Variants in CLASP1 observed in about 807,000 individuals in gnomAD.
CLASP1 encodes cytoplasmic linker associated protein 1.
A neutral mutation model predicts 192.3 loss-of-function variants in CLASP1; 38 were observed. The observed-to-expected ratio is 0.20, with a 90% CI of 0.15 to 0.26. The LOEUF is 0.26. CLASP1 is among the 10% of genes least tolerant of loss of function. The pLI is 1.00. For synonymous variants in CLASP1, 691 were observed against 712.8 expected, an observed-to-expected ratio of 0.97 and a Z score of 0.49; for missense variants, 1,433 against 1,932.5, an observed-to-expected ratio of 0.74 and a Z score of 4.85.
intron 8 of CLASP1, among the ~76,000 whole-genome samples, chr2:121,496,186 A>G (rs1272969161): frequency 1.3e-5 from 2 of 152,228 alleles, no homozygotes; most frequent in African/African-American, 4.8e-5. Flanking sequence ...TATTAAACAG[A>G]TATTTGTTGC....
chr2:121,368,745 A>C (rs1256040473), intron 34 of CLASP1, among the ~76,000 whole-genome samples: 3 of 152,118 alleles, frequency 2.0e-5, no homozygotes, highest in African/African-American at 7.2e-5. Flanking sequence ...CTATGGCAAA[A>C]TTTTTACTTG....
chr2:121,392,341 A>G (rs10170935), intron 30 of CLASP1, among the ~76,000 whole-genome samples: 30,543 of 152,226 alleles, frequency 0.2, 5,739 homozygotes, highest in African/African-American at 0.49. Context: ...AGTTTATTCC[A>G]TAAATAACAG....
At chr2:121,471,844 T>C (rs939800328) in intron 8 of CLASP1, among the ~76,000 whole-genome samples, 15 of 152,234 alleles carry the variant, frequency 9.9e-5, no homozygotes, top group Admixed American at 8.5e-4. Context: ...GTGCTCTTAA[T>C]TAGCATAGAC....
chr2:121,406,270 T>G (rs560963751), intron 25 of CLASP1, among the ~76,000 whole-genome samples: 1 of 152,190 alleles, frequency 6.6e-6, no homozygotes, highest in Non-Finnish European at 1.5e-5. Context: ...AGAAAATTTA[T>G]AAAACAGAAA....
chr2:121,377,019 A>C (rs2070403511), intron 34 of CLASP1, among the ~76,000 whole-genome samples: 1 of 152,224 alleles, frequency 6.6e-6, no homozygotes, highest in Non-Finnish European at 1.5e-5. Flanking sequence ...ATAGAGATAA[A>C]GTACACAATA....
In CLASP1 at chr2:121,519,430, C is replaced by A. The variant is rs1323145850; in HGVS notation, c.547-3668G>T. Among the ~76,000 whole-genome samples the A allele has an allele frequency of 2.0e-5, 3 of 152,170 alleles. No homozygotes were observed. The East Asian group carries it at 5.8e-4, about 29-fold the overall frequency. The stretch of plus-strand genomic sequence containing the variant: ...GGGATAAGGTGCTCAGGCAGATGGG[C>A]CACCACCACCCAGCCACAGAGGAAT... On this transcript the variant is annotated intron_variant, in intron 6 of 39. Coordinates refer to ENST00000263710, the Ensembl canonical transcript of CLASP1.
At chr2:121,373,892 A>G (rs2069329549) in intron 34 of CLASP1, among the ~76,000 whole-genome samples, 1 of 152,262 alleles carries the variant, frequency 6.6e-6, no homozygotes, top group Non-Finnish European at 1.5e-5. Context: ...AAGGAAGCAG[A>G]GTGTAAAAGT....
intron 19 of CLASP1, among the ~76,000 whole-genome samples, chr2:121,433,117 C>A (rs2081724955): frequency 6.6e-6 from 1 of 151,568 alleles, no homozygotes; most frequent in African/African-American, 2.4e-5. Context: ...AGGTCAGGAG[C>A]TCGAGACTAG....
At chr2:121,437,252 T>C (rs929437765) in intron 19 of CLASP1, among the ~76,000 whole-genome samples, 4 of 152,214 alleles carry the variant, frequency 2.6e-5, no homozygotes, top group African/African-American at 9.7e-5. Context: ...TGTGAGCCAC[T>C]GTGCCTGACC....
chr2:121,424,512 A>C (rs745943483), intron 22 of CLASP1, among the ~76,000 whole-genome samples: 1 of 152,224 alleles, frequency 6.6e-6, no homozygotes, highest in Non-Finnish European at 1.5e-5. Flanking sequence ...TTAAAAAGTT[A>C]GCGTATGAAT....
chr2:121,508,852 A>G (rs939968441), intron 7 of CLASP1, among the ~76,000 whole-genome samples: 3 of 152,228 alleles, frequency 2.0e-5, no homozygotes, highest in African/African-American at 4.8e-5. Flanking sequence ...TAGTGATAAC[A>G]AGTAACACAG....
chr2:121,621,078 A>C (rs1323968435), intron 1 of CLASP1, among the ~76,000 whole-genome samples: 2 of 152,016 alleles, frequency 1.3e-5, no homozygotes, highest in East Asian at 3.9e-4. Flanking sequence ...AAATTCAAAA[A>C]TTAATTGGTA....
rs138624344 is a variant in CLASP1 at position 121,641,645 on chromosome 2, G to A, written c.-286+7727C>T. The stretch of plus-strand genomic sequence containing the variant: ...TTTCATACAGTTTCATCATACTGAA[G>A]GCCCTCATGATTGCTTATTCTTTTT... On this transcript the variant is annotated intron_variant, in intron 1 of 39. Coordinates refer to ENST00000263710, the Ensembl canonical transcript of CLASP1. 5.3e-5 allele frequency among the ~76,000 whole-genome samples: 8 copies of A among 152,268 alleles called. No homozygotes were observed. The East Asian group carries it at 1.5e-3, about 29-fold the overall frequency.
chr2:121,433,537 T>C (rs2149672820), intron 19 of CLASP1, among the ~76,000 whole-genome samples: 1 of 152,272 alleles, frequency 6.6e-6, no homozygotes, highest in African/African-American at 2.4e-5. Context: ...GGAGGATCTC[T>C]TGAGGACAAG....
chr2:121,349,384 G>A (rs2063939498), intron 37 of CLASP1, among the ~76,000 whole-genome samples: 3 of 152,144 alleles, frequency 2.0e-5, no homozygotes, highest in Admixed American at 1.3e-4. Context: ...GGCCCCAACT[G>A]GAGGAGGGGG....
At chr2:121,572,636 C>T (rs1347580662) in intron 2 of CLASP1, among the ~76,000 whole-genome samples, 1 of 152,136 alleles carries the variant, frequency 6.6e-6, no homozygotes, top group African/African-American at 2.4e-5. Flanking sequence ...GCTCACGCAC[C>T]TGTAATCCCA....
At chr2:121,426,021 T>C (rs2080310406) in intron 21 of CLASP1, among the ~76,000 whole-genome samples, 1 of 152,072 alleles carries the variant, frequency 6.6e-6, no homozygotes, top group South Asian at 2.1e-4. Flanking sequence ...GGTACATGCC[T>C]CTAGTCCCAG....
At chr2:121,372,085 A>AGAAGC (rs1170940955) in intron 34 of CLASP1, among the ~76,000 whole-genome samples, 1 of 152,256 alleles carries the variant, frequency 6.6e-6, no homozygotes, top group Non-Finnish European at 1.5e-5. Flanking sequence ...CTCGAAGGAA[A>AGAAGC]GGTCTTAACT....
At chr2:121,505,749 C>T (rs2093925682) in intron 7 of CLASP1, among the ~76,000 whole-genome samples, 1 of 152,144 alleles carries the variant, frequency 6.6e-6, no homozygotes, top group Non-Finnish European at 1.5e-5. Flanking sequence ...TGACAACCAC[C>T]ATCTTCCTCT....
Sources: allele counts gnomAD v4.1 joint callset (sites outside exome capture counted in the v4.1 genomes callset), GRCh38; gene constraint gnomAD v4.1.1; transcripts MANE v1.5; gene names NCBI Gene and HGNC (gene_info 2026-07-23, HGNC 2026-07-21).